The following GRM1 variants were observed in gnomAD, a reference collection of about 807,000 sequenced individuals.
GRM1 encodes glutamate metabotropic receptor 1.
GRM1 carries 33 observed loss-of-function variants against 90.9 expected under a neutral mutation model. The observed-to-expected ratio is 0.36, with a 90% confidence interval of 0.28 to 0.49. The LOEUF (loss-of-function observed/expected upper bound fraction) is 0.49, where lower values mean the gene tolerates loss of function less well. GRM1 is among the 20% of genes least tolerant of loss of function. The probability of loss-of-function intolerance (pLI) is 0.99; values close to 1 mark genes in which losing one functional copy is unlikely to be tolerated. For missense variants in GRM1, 1,190 were observed against 1,534.3 expected, an observed-to-expected ratio of 0.78 and a Z score of 3.75; for synonymous variants, 700 against 613.2, an observed-to-expected ratio of 1.14 and a Z score of -2.09.
intron 7 of GRM1, among the ~76,000 whole-genome samples, chr6:146,409,041 C>T (rs756394300): frequency 3.9e-5 from 6 of 152,008 alleles, no homozygotes; most frequent in African/African-American, 7.3e-5. Flanking sequence ...AAGTTATAGA[C>T]GACAACTTAA....
chr6:146,218,889 C>A (rs915519285), intron 2 of GRM1, among the ~76,000 whole-genome samples: 14 of 152,138 alleles, frequency 9.2e-5, no homozygotes, highest in African/African-American at 3.1e-4. Context: ...ATGATAAAGA[C>A]AACATCATGG....
intron 2 of GRM1, among the ~76,000 whole-genome samples, chr6:146,258,579 G>A (rs1009909386): frequency 6.6e-6 from 1 of 151,896 alleles, no homozygotes. Flanking sequence ...TAGTACAGAG[G>A]CATGATCATA....
chr6:146,147,720 T>TG (rs1777165188), intron 1 of GRM1, among the ~76,000 whole-genome samples: 1 of 152,112 alleles, frequency 6.6e-6, no homozygotes, highest in South Asian at 2.1e-4. Flanking sequence ...CTTCCTTGTG[T>TG]TGGAGAAGTG....
At chr6:146,081,538 A>C (rs575535610) in intron 1 of GRM1, among the ~76,000 whole-genome samples, 19 of 152,290 alleles carry the variant, frequency 1.2e-4, no homozygotes, top group Non-Finnish European at 2.5e-4. Flanking sequence ...TTTTAAGCTG[A>C]AGTTAATATA....
intron 1 of GRM1, among the ~76,000 whole-genome samples, chr6:146,090,163 C>A (rs1208907000): frequency 2.0e-5 from 3 of 151,944 alleles, no homozygotes; most frequent in African/African-American, 7.3e-5. Flanking sequence ...AAATCCAAGC[C>A]CTGTTTTTTG....
chr6:146,431,607 AAC>A (rs3838249), intron 7 of GRM1, among the ~76,000 whole-genome samples: 93,098 of 151,532 alleles, frequency 0.61, 29,203 homozygotes, highest in East Asian at 0.78. Flanking sequence ...TTGTTGTTTT[AAC>A]ACACACACAC....
intron 2 of GRM1, among the ~76,000 whole-genome samples, chr6:146,286,531 T>G (rs1261510306): frequency 6.6e-6 from 1 of 152,220 alleles, no homozygotes; most frequent in Non-Finnish European, 1.5e-5. Flanking sequence ...TAACTGCAAG[T>G]TCTTAAATGA....
chr6:146,220,196 A>G (rs1780014369), intron 2 of GRM1, among the ~76,000 whole-genome samples: 1 of 152,160 alleles, frequency 6.6e-6, no homozygotes, highest in African/African-American at 2.4e-5. Flanking sequence ...AAATAGCTTT[A>G]TTGAAAATGG....
At chr6:146,075,457 A>G (rs575857500) in intron 1 of GRM1, among the ~76,000 whole-genome samples, 53 of 152,306 alleles carry the variant, frequency 3.5e-4, no homozygotes, top group African/African-American at 1.3e-3. Context: ...TGTATGCTAA[A>G]TGCTGTGAGA....
rs773531159 is a variant in GRM1 at position 146,352,222 on chromosome 6, T to C, written c.1187-28T>C. The C allele has an allele frequency of 3.6e-5, 58 of 1,610,198 alleles. No individual in the cohort carries two copies. The South Asian group carries it at 5.5e-4, about 15-fold the overall frequency. ...AGCCTAGTCTTTATCATTGTGACCT[T>C]GGTAGTGATCTATTTTTATTGTTAC... On this transcript the variant is annotated intron_variant, in intron 3 of 7. Transcript: ENST00000282753.
In GRM1 at chr6:146,434,701, TC is replaced by T; in HGVS notation, c.3495del (p.Val1166CysfsTer36). 6.2e-7 allele frequency: 1 copy of T among 1,604,008 alleles called. No individual in the cohort carries two copies. On this transcript the variant is annotated frameshift_variant, in exon 8 of 8. Transcript: ENST00000282753. LOFTEE classifies it high-confidence loss of function. Reference protein sequence around the residue: ...SVASGSSVPSSPVSESVLCTP... With the variant: ...SVASGSSVPSXPVSESVLCTP... ...GGCCTCGGGCAGCTCGGTGCCCAGC[TC>T]CCCCGTGTCCGAGTCGGTGCTCTGC...
At chr6:146,163,741 G>T (rs1777815129) in intron 2 of GRM1, among the ~76,000 whole-genome samples, 1 of 152,140 alleles carries the variant, frequency 6.6e-6, no homozygotes, top group African/African-American at 2.4e-5. Context: ...TCACGGTTTA[G>T]AGTCACCTTC....
chr6:146,243,261 G>A (rs904013509), intron 2 of GRM1, among the ~76,000 whole-genome samples: 1 of 152,028 alleles, frequency 6.6e-6, no homozygotes, highest in Non-Finnish European at 1.5e-5. Context: ...TCTAAATAGG[G>A]TTTAAGTATC....
At chr6:146,409,546 AGTTTTGTTTTT>A (rs1777483447) in intron 7 of GRM1, among the ~76,000 whole-genome samples, 1 of 151,184 alleles carries the variant, frequency 6.6e-6, no homozygotes, top group Non-Finnish European at 1.5e-5. Flanking sequence ...ACGAACATTA[AGTTTTGTTTTT>A]GTTTTGTTTT....
chr6:146,419,496 A>T (rs1375055000), intron 7 of GRM1, among the ~76,000 whole-genome samples: 1 of 152,176 alleles, frequency 6.6e-6, no homozygotes, highest in Non-Finnish European at 1.5e-5. Flanking sequence ...AATAGTGCAA[A>T]TTTGCCAGTT....
At chr6:146,428,600 A>G (rs536783791) in intron 7 of GRM1, among the ~76,000 whole-genome samples, 1 of 152,326 alleles carries the variant, frequency 6.6e-6, no homozygotes, top group East Asian at 1.9e-4. Flanking sequence ...CAAAGTATAG[A>G]AGAAATAATA....
At chr6:146,364,325 G>A (rs1484157196) in intron 5 of GRM1, among the ~76,000 whole-genome samples, 1 of 152,122 alleles carries the variant, frequency 6.6e-6, no homozygotes, top group East Asian at 1.9e-4. Context: ...GAGGAATTTT[G>A]TCTTGAATAT....
At chr6:146,092,738 A>G (rs781112250) in intron 1 of GRM1, among the ~76,000 whole-genome samples, 2 of 152,122 alleles carry the variant, frequency 1.3e-5, no homozygotes, top group Non-Finnish European at 2.9e-5. Context: ...CCCCTGCTGC[A>G]TCTGAAGAAG....
intron 7 of GRM1, among the ~76,000 whole-genome samples, chr6:146,420,110 C>A (rs954904882): frequency 2.0e-5 from 3 of 152,198 alleles, no homozygotes; most frequent in Non-Finnish European, 2.9e-5. Context: ...AAAAGATAAG[C>A]TGAATACATC....
Sources: allele counts gnomAD v4.1 joint callset (sites outside exome capture counted in the v4.1 genomes callset), GRCh38; gene constraint gnomAD v4.1.1; transcripts MANE v1.5; gene names NCBI Gene and HGNC (gene_info 2026-07-23, HGNC 2026-07-21).